Variants in RNF17 observed in about 807,000 individuals in gnomAD.
The protein encoded by RNF17 is ring finger protein 17, also known as spermatogenesis associated 23.
A neutral mutation model predicts 200.5 loss-of-function variants in RNF17; 31 were observed. The ratio of observed to expected loss-of-function variants is 0.15; its 90% CI spans 0.12 to 0.21. The LOEUF is 0.21. RNF17 is among the 10% of genes least tolerant of loss of function. The probability of loss-of-function intolerance (pLI) is 1.00; values close to 1 mark genes in which losing one functional copy is unlikely to be tolerated. For synonymous variants in RNF17, 606 were observed against 637.8 expected (o/e 0.95, Z 0.75); for missense variants, 1,628 against 1,905.1 (o/e 0.85, Z 2.71).
At chr13:24,869,934 ATTTTTTTT>A (rs34196797) in intron 31 of RNF17, among the ~76,000 whole-genome samples, 7 of 83,756 alleles carry the variant, frequency 8.4e-5, no homozygotes, top group Admixed American at 1.6e-4. Context: ...TGCCCAGCTA[ATTTTTTTT>A]TTTTTTTTTT....
Position 24,793,074 on chromosome 13 carries a change from A to G in RNF17, c.968A>G (p.Asn323Ser). ...CCCCAAGAAAATGAAATTAGACAGAATGTTCAAAAGAAATATAATAACAAA... is the reference window on the plus strand; with the variant it reads ...CCCCAAGAAAATGAAATTAGACAGAGTGTTCAAAAGAAATATAATAACAAA... ...CYPQENEIRQ[N>S]VQKKYNNKKE... Residue 323 changes from asparagine to serine, a missense_variant, in exon 10 of 36, where the codon AAT (asparagine) becomes AGT (serine). Asn to Ser is a conservative substitution (Grantham distance 46). Around this residue, in one of 5 missense-constraint regions of RNF17, gnomAD observed 502 missense variants for 501.7 expected, o/e 1.00. Coordinates refer to ENST00000255324, the MANE Select transcript of RNF17 (RefSeq NM_031277.3). The G allele has an allele frequency of 6.3e-7, 1 of 1,588,154 alleles. No individual in the cohort carries two copies. Among genetic ancestry groups the G allele is most frequent in the Non-Finnish European group, 8.6e-7 (1 of 1,167,874 alleles).
intron 18 of RNF17, among the ~76,000 whole-genome samples, chr13:24,832,523 C>T (rs1428232130): frequency 2.0e-5 from 3 of 152,130 alleles, no homozygotes; most frequent in Non-Finnish European, 4.4e-5. Flanking sequence ...AAAATTGGTT[C>T]TGAATTGGCA....
rs1305682980 is a variant in RNF17, at chr13:24,868,616, A to T, written c.4178A>T (p.Glu1393Val). 19 of 1,600,830 alleles carry T rather than the reference A, an allele frequency of 1.2e-5. No homozygotes were observed. The highest frequency in any genetic ancestry group is 1.5e-5 in the Non-Finnish European group (17 of 1,168,230). The change falls in exon 31 of 36, where the codon GAA becomes GTA. Residue 1393 changes from glutamate (E) to valine (V), a missense_variant. Around this residue, in one of 5 missense-constraint regions of RNF17, gnomAD observed 609 missense variants for 681.9 expected, o/e 0.89. Coordinates refer to ENST00000255324, the MANE Select transcript of RNF17 (RefSeq NM_031277.3). ...EIRFEELLSA[E>V]TDTPLLPPYL... Reference sequence around the variant, plus strand: ...GTGTTTTAGGAATTGCTTTCGGCTGAAACAGACACTCCTCTTTTACCACCA... The same window carrying T: ...GTGTTTTAGGAATTGCTTTCGGCTGTAACAGACACTCCTCTTTTACCACCA...
chr13:24,850,515 T>C, intron 23 of RNF17, 72 bp downstream of exon 23: 1 of 1,053,654 alleles, frequency 9.5e-7, no homozygotes, highest in South Asian at 1.6e-5. Flanking sequence ...TTTTCTTTCT[T>C]GTAGAGAAAA....
downstream of RNF17, among the ~76,000 whole-genome samples, chr13:24,881,947 G>T (rs1404419309): frequency 1.0e-4 from 4 of 38,224 alleles, no homozygotes; most frequent in Non-Finnish European, 1.6e-4. Flanking sequence ...CATCTATATA[G>T]ATATATAGAT....
the RNF17 span, among the ~76,000 whole-genome samples, chr13:24,754,682 G>C: frequency 6.6e-6 from 1 of 152,204 alleles, no homozygotes; most frequent in South Asian, 2.1e-4. Flanking sequence ...CTTGAGACCA[G>C]GGTTTGAGAC....
At position 24,803,907 on chromosome 13, in the gene RNF17, G is replaced by A. The variant is rs114569391; in HGVS notation, c.1950-381G>A. 8.8e-3 allele frequency: 1,436 copies of A among 162,848 alleles called. 27 individuals carry two copies. Among genetic ancestry groups the A allele is most frequent in the African/African-American group, 0.033 (1,378 of 41,694 alleles). 10.1% of individuals were successfully genotyped at this position (162,848 alleles called of 1,614,324 possible). A position where few individuals can be genotyped will look rare whatever the true frequency, so the allele number is the denominator to read the frequency against. On this transcript the variant is annotated intron_variant, in intron 14 of 35. Coordinates refer to ENST00000255324, the MANE Select transcript of RNF17 (RefSeq NM_031277.3). ...AGAAGAAAGAAATTGGAAGATGAGCGCTTTTGGTAAATAAGTCAGTACATG... is the reference window on the plus strand; with the variant it reads ...AGAAGAAAGAAATTGGAAGATGAGCACTTTTGGTAAATAAGTCAGTACATG...
chr13:24,764,888 G>GGGGTGTGTGTGTGTGTGT (rs899352115), intron 1 of RNF17, among the ~76,000 whole-genome samples: 1 of 134,092 alleles, frequency 7.5e-6, no homozygotes, highest in East Asian at 2.0e-4. Flanking sequence ...CACCTTGTGG[G>GGGGTGTGTGTGTGTGTGT]GTGTGTGTGT....
Position 24,870,631 on chromosome 13 carries a change from G to A in RNF17, c.4339G>A (p.Asp1447Asn), listed in dbSNP as rs1894151794. 6.2e-7 allele frequency: 1 copy of A among 1,614,116 alleles called. No homozygotes were observed. The change falls in exon 32 of 36, where the codon GAT becomes AAT. Residue 1447 changes from aspartate to asparagine, a missense_variant. By Grantham distance (23) the Asp-to-Asn change is conservative. Transcript: ENST00000255324. ...CCAGTCTAACCAGCATAGTGACACAGATGATAGTGGAGTCAGCGGGGAATC... is the reference window on the plus strand; with the variant it reads ...CCAGTCTAACCAGCATAGTGACACAAATGATAGTGGAGTCAGCGGGGAATC... ...SNQSNQHSDT[D>N]DSGVSGESES...
At chr13:24,804,501 GTATC>G (rs1885614499) in intron 15 of RNF17, 72 bp downstream of exon 15, 10 of 1,165,676 alleles carry the variant, frequency 8.6e-6, no homozygotes, top group Non-Finnish European at 9.6e-6. Flanking sequence ...ACAAGAATGA[GTATC>G]TACCGTCAAT....
At position 24,779,687 on chromosome 13, in the gene RNF17, A is replaced by C. The variant is rs199972596; in HGVS notation, c.450A>C (p.Glu150Asp). The change falls in exon 5 of 36, where the codon GAA becomes GAC. Residue 150 changes from glutamate to aspartate, a missense_variant. Physicochemically the swap from Glu to Asp is conservative, Grantham distance 45 (BLOSUM62 2). Transcript: ENST00000255324. ...AVMLDTNTAE[E>D]IDEALNTAHH... Reference sequence around the variant, plus strand: ...CTTAGGACACTAATACTGCAGAAGAAATTGATGAAGCATTGAATACAGCAC... The same window carrying C: ...CTTAGGACACTAATACTGCAGAAGACATTGATGAAGCATTGAATACAGCAC... 1.2e-6 allele frequency: 2 copies of C among 1,613,316 alleles called. No individual in the cohort carries two copies. The highest frequency in any genetic ancestry group is 8.5e-7 in the Non-Finnish European group (1 of 1,179,484).
At chr13:24,829,416 C>T (rs767765610) in intron 16 of RNF17, among the ~76,000 whole-genome samples, 5 of 152,202 alleles carry the variant, frequency 3.3e-5, no homozygotes, top group Non-Finnish European at 5.9e-5. Context: ...CATTTCCATT[C>T]AGAGACTTTA....
At chr13:24,825,494 TGATA>T (rs978995505) in intron 15 of RNF17, 121 bp from the exon 16 acceptor site, 55 of 699,314 alleles carry the variant, frequency 7.9e-5, no homozygotes, top group African/African-American at 7.7e-4. Flanking sequence ...GTAACACAAT[TGATA>T]GATTTACATT....
chr13:24,880,852 C>A (rs1477488264), downstream of RNF17, among the ~76,000 whole-genome samples: 1 of 152,194 alleles, frequency 6.6e-6, no homozygotes, highest in Non-Finnish European at 1.5e-5. Flanking sequence ...CTTGCCAGCA[C>A]TTGGTGTCGC....
At chr13:24,751,020 G>GAATTA in the RNF17 span, 2 of 151,910 alleles carry the variant, frequency 1.3e-5, no homozygotes, top group African/African-American at 2.4e-5. Context: ...TCTAAAGCTG[G>GAATTA]AATTAAATTC....
chr13:24,762,750 C>T (rs1684406623), upstream of RNF17, among the ~76,000 whole-genome samples: 1 of 152,174 alleles, frequency 6.6e-6, no homozygotes, highest in South Asian at 2.1e-4. Flanking sequence ...GCAACCGTGC[C>T]ACCTCCAGGT....
chr13:24,787,503 C>G (rs1052340788), intron 6 of RNF17, among the ~76,000 whole-genome samples: 1 of 152,130 alleles, frequency 6.6e-6, no homozygotes, highest in Non-Finnish European at 1.5e-5. Flanking sequence ...TTGTGTGTGC[C>G]CTGAGCCTTG....
In RNF17 at chr13:24,778,318, T is replaced by C. The variant is rs776174641; in HGVS notation, c.341T>C (p.Phe114Ser). The C allele has an allele frequency of 9.3e-6, 15 of 1,611,830 alleles. No homozygotes were observed. In the Middle Eastern group the frequency reaches 8.3e-4, roughly 89 times the overall value. ...AGGATAAAGAATTGTTCTCAGGACT[T>C]TAAGAAGACTGCTGATCAGCTAACT... is the stretch of plus-strand genomic sequence containing the variant. ...PKTIKNCSQD[F>S]KKTADQLTTG... The change falls in exon 4 of 36, where the codon TTT becomes TCT. Residue 114 changes from phenylalanine (F) to serine (S), a missense_variant. Coordinates refer to ENST00000255324, the MANE Select transcript of RNF17 (RefSeq NM_031277.3).
chr13:24,859,819 C>A (rs1892914564), intron 26 of RNF17, among the ~76,000 whole-genome samples: 1 of 151,982 alleles, frequency 6.6e-6, no homozygotes, highest in Non-Finnish European at 1.5e-5. Context: ...GATTACATAG[C>A]ACTTCAGGTT....
Sources: allele counts gnomAD v4.1 joint callset (sites outside exome capture counted in the v4.1 genomes callset), GRCh38; gene constraint gnomAD v4.1.1; regional missense constraint gnomAD v4.1.1; transcripts MANE v1.5; gene names NCBI Gene and HGNC (gene_info 2026-07-23, HGNC 2026-07-21).